CARMIL3: variants seen among roughly 807,000 people sequenced by gnomAD.
The protein encoded by CARMIL3 is capping protein, Arp2/3 and myosin-I linker protein 3.
A neutral mutation model predicts 180.8 loss-of-function variants in CARMIL3; 88 were observed. The ratio of observed to expected loss-of-function variants is 0.49; its 90% CI spans 0.41 to 0.58. CARMIL3 has a LOEUF of 0.58. Ranked by LOEUF, CARMIL3 falls within the 20% of genes least tolerant of loss-of-function variation. The pLI, the probability that CARMIL3 is intolerant of heterozygous loss-of-function variation, is 0.00. For missense variants in CARMIL3, 1,548 were observed against 1,787.0 expected (o/e 0.87, Z 2.41); for synonymous variants, 696 against 714.5 (o/e 0.97, Z 0.41).
chr14:24,063,370 TC>T lies in CARMIL3; in HGVS notation c.2822del (p.Pro941LeufsTer31), dbSNP rs773353274. 3.1e-6 allele frequency: 5 copies of T among 1,608,952 alleles called. No homozygotes were observed. The highest frequency in any genetic ancestry group is 2.7e-5 in the African/African-American group (2 of 74,708). The part of the protein sequence containing the change: ...DMESQLGNLG[I>X]PPGWFSGLGG... ...GAAAGCCAACTGGGGAATCTGGGGA[TC>T]CCCCCTGGCTGGTTCTCAGGACTTG... On this transcript the variant is annotated frameshift_variant, in exon 31 of 40. Coordinates refer to ENST00000342740, the MANE Select transcript of CARMIL3 (RefSeq NM_138360.4). LOFTEE classifies it high-confidence loss of function.
intron 34 of CARMIL3, 75 bp from the exon 35 acceptor site, chr14:24,066,323 G>A: frequency 6.5e-7 from 1 of 1,527,712 alleles, no homozygotes; most frequent in Non-Finnish European, 9.0e-7. Flanking sequence ...GGAGATGCTA[G>A]AGCAGAAGCC....
chr14:24,053,926 G>T (rs2035644415), intron 2 of CARMIL3, 123 bp downstream of exon 2: 3 of 1,141,056 alleles, frequency 2.6e-6, no homozygotes, highest in South Asian at 3.0e-5. Flanking sequence ...GACAAAACCT[G>T]GGGGGAGGAG....
chr14:24,063,561 T>A (rs1332509585), intron 31 of CARMIL3, 28 bp downstream of exon 31: 2 of 1,573,780 alleles, frequency 1.3e-6, no homozygotes, highest in Admixed American at 1.8e-5. Context: ...CACAAGAGGA[T>A]CCCCTTCACT....
intron 34 of CARMIL3, among the ~76,000 whole-genome samples, 185 bp from the exon 35 acceptor site, chr14:24,066,213 C>G (rs1175005061): frequency 6.6e-6 from 1 of 152,042 alleles, no homozygotes; most frequent in Non-Finnish European, 1.5e-5. Context: ...GAAGTATACT[C>G]ATTTGTGTAA....
At chr14:24,069,336 T>G (rs2035835766) in intron 39 of CARMIL3, 43 bp from the exon 40 acceptor site, 5 of 1,614,060 alleles carry the variant, frequency 3.1e-6, no homozygotes, top group South Asian at 1.1e-5. Context: ...TGGCTGGCTG[T>G]CCCTGCCCAG....
intron 36 of CARMIL3, among the ~76,000 whole-genome samples, chr14:24,067,783 C>G (rs1258364537): frequency 6.6e-6 from 1 of 152,290 alleles, no homozygotes; most frequent in Non-Finnish European, 1.5e-5. Context: ...GCAGACAACA[C>G]TTTCCAGTGT....
chr14:24,060,661 G>A lies in CARMIL3; in HGVS notation c.2095G>A (p.Glu699Lys). 12 of 1,614,002 alleles carry A rather than the reference G, an allele frequency of 7.4e-6. No individual in the cohort carries two copies. The highest frequency in any genetic ancestry group is 1.0e-5 in the Non-Finnish European group (12 of 1,179,958). The part of the protein sequence containing the change: ...LQRLCGRVQE[E>K]VRALRLCPLE... ...GCGGCTGTGTGGACGAGTGCAGGAG[G>A]AGGTGCGGGCCCTGAGACTATGCCC... The change falls in exon 25 of 40, where the codon GAG (glutamate) becomes AAG (lysine). Residue 699 changes from glutamate (E) to lysine (K), a missense_variant. Transcript: ENST00000342740.
In CARMIL3 at chr14:24,056,971, C is replaced by T; in HGVS notation, c.1009C>T (p.Arg337Ter). The T allele has an allele frequency of 1.9e-6, 3 of 1,614,064 alleles. No individual in the cohort carries two copies. The highest frequency in any genetic ancestry group is 2.5e-6 in the Non-Finnish European group (3 of 1,179,982). The change falls in exon 13 of 40, where the codon CGA (arginine) becomes TGA (stop). Residue 337 changes from arginine (R) to a stop codon, truncating the protein, a stop_gained. Transcript: ENST00000342740. LOFTEE classifies it high-confidence loss of function. ...AAACCCAGCATTTGCCAGCTCCCTT[C>T]GATACCTGGACCTGAGCAAGAATCC... The part of the protein sequence containing the change: ...GANPAFASSL[R>*]YLDLSKNPGL...
chr14:24,054,622 T>C lies in CARMIL3; in HGVS notation c.363-89T>C. On this transcript the variant is annotated intron_variant, in intron 5 of 39. Coordinates refer to ENST00000342740, the MANE Select transcript of CARMIL3 (RefSeq NM_138360.4). This position sits in a 1 kb window ranked among gnomAD's most constrained non-coding sequence, Gnocchi z 5.1. ...AGGAGAGCTCTCATGTCCCCACTCC[T>C]GGTTTTTCCTGGGATGCAGGAGCTA... is the stretch of plus-strand genomic sequence containing the variant. The C allele has an allele frequency of 1.3e-6, 2 of 1,503,054 alleles. No individual in the cohort carries two copies. The highest frequency in any genetic ancestry group is 1.2e-5 in the South Asian group (1 of 84,632). 93.1% of individuals were successfully genotyped at this position (1,503,054 alleles called of 1,614,324 possible).
chr14:24,067,081 C>T (rs1332043246), intron 36 of CARMIL3, among the ~76,000 whole-genome samples: 1 of 152,208 alleles, frequency 6.6e-6, no homozygotes, highest in Non-Finnish European at 1.5e-5. Context: ...CTCCAGAAGT[C>T]GTTTATCAAC....
In CARMIL3 at chr14:24,065,334, C is replaced by T. The variant is rs144042710; in HGVS notation, c.3396+61C>T. 7.2e-4 allele frequency: 1,004 copies of T among 1,387,458 alleles called. 22 individuals carry two copies. In the East Asian group the frequency reaches 0.022, roughly 30 times the overall value. 85.9% of individuals were successfully genotyped at this position (1,387,458 alleles called of 1,614,324 possible). A position where few individuals can be genotyped will look rare whatever the true frequency, so the allele number is the denominator to read the frequency against. On this transcript the variant is annotated intron_variant, in intron 33 of 39. Coordinates refer to ENST00000342740, the MANE Select transcript of CARMIL3 (RefSeq NM_138360.4). ...TCCTGCCCCACACTTAACCCAGTCT[C>T]CTACCCCACCCCAAGCTTAATGGGA...
In CARMIL3 at chr14:24,058,796, G is replaced by A; in HGVS notation, c.1474+35G>A. 6.2e-7 allele frequency: 1 copy of A among 1,613,124 alleles called. No homozygotes were observed. Among genetic ancestry groups the A allele is most frequent in the East Asian group, 2.2e-5 (1 of 44,870 alleles). The stretch of plus-strand genomic sequence containing the variant: ...GGTTCCTCCCTTCCCTGGGGCCAGG[G>A]GAGAACAGGGGCCTGGAGCATGCAG... On this transcript the variant is annotated intron_variant, in intron 18 of 39. Transcript: ENST00000342740. The surrounding 1 kb of genome is among the most constrained non-coding windows in gnomAD (Gnocchi z 6.4).
At chr14:24,057,052 C>A in intron 13 of CARMIL3, 28 bp downstream of exon 13, 1 of 1,606,538 alleles carries the variant, frequency 6.2e-7, no homozygotes. Context: ...CCTCAGCCCC[C>A]TGCAGAAAGC....
At chr14:24,055,448 G>C in intron 8 of CARMIL3, 95 bp from the exon 9 acceptor site, 1 of 1,514,304 alleles carries the variant, frequency 6.6e-7, no homozygotes, top group Non-Finnish European at 9.2e-7. Flanking sequence ...TACCCATTTA[G>C]GCCTTCCCCA....
In CARMIL3 at chr14:24,065,717, A is replaced by C; in HGVS notation, c.3492A>C (p.Arg1164Ser). 1 of 1,614,082 alleles carries C rather than the reference A, an allele frequency of 6.2e-7. No individual in the cohort carries two copies. Among genetic ancestry groups the C allele is most frequent in the South Asian group, 1.1e-5 (1 of 91,078 alleles). ...VHGVALPGLE[R>S]AKGWSFDGKR... ...GTGTTGCCCTTCCCGGGTTGGAAAG[A>C]GCCAAGGGTTGGAGCTTCGATGGGA... is the stretch of plus-strand genomic sequence containing the variant. The change falls in exon 34 of 40, where the codon AGA becomes AGC. Residue 1164 changes from arginine (R) to serine (S), a missense_variant. This residue lies in a region of CARMIL3 where 668 missense variants were observed against 687.8 expected (regional missense o/e 0.97). Transcript: ENST00000342740.
In CARMIL3 at chr14:24,056,986, A is replaced by C; in HGVS notation, c.1024A>C (p.Ser342Arg). Residue 342 changes from serine to arginine, a missense_variant, in exon 13 of 40, where the codon AGC becomes CGC. By Grantham distance (110) the Ser-to-Arg change is moderately radical (BLOSUM62 -1). Coordinates refer to ENST00000342740, the MANE Select transcript of CARMIL3 (RefSeq NM_138360.4). Reference protein sequence around the residue: ...FASSLRYLDLSKNPGLLATDE... With the variant: ...FASSLRYLDLRKNPGLLATDE... Reference sequence around the variant, plus strand: ...CAGCTCCCTTCGATACCTGGACCTGAGCAAGAATCCTGGGCTCCTCGCCAC... The same window carrying C: ...CAGCTCCCTTCGATACCTGGACCTGCGCAAGAATCCTGGGCTCCTCGCCAC... 6.2e-7 allele frequency: 1 copy of C among 1,614,000 alleles called. No individual in the cohort carries two copies. The highest frequency in any genetic ancestry group is 1.1e-5 in the South Asian group (1 of 91,042).
intron 1 of CARMIL3, among the ~76,000 whole-genome samples, chr14:24,053,333 C>G (rs2035638018): frequency 6.6e-6 from 1 of 152,094 alleles, no homozygotes; most frequent in African/African-American, 2.4e-5. Flanking sequence ...ACACCCCACA[C>G]CCCCACACAG....
intron 34 of CARMIL3, among the ~76,000 whole-genome samples, 191 bp from the exon 35 acceptor site, chr14:24,066,207 T>C (rs1303102585): frequency 2.0e-5 from 3 of 152,242 alleles, no homozygotes; most frequent in Admixed American, 6.5e-5. Context: ...AAGATGGAAG[T>C]ATACTCATTT....
chr14:24,064,352 A>C lies in CARMIL3; in HGVS notation c.3080+6A>C, dbSNP rs776161184. On this transcript the variant is annotated splice_donor_region_variant and intron_variant, in intron 32 of 39. Transcript: ENST00000342740. ...GTCCTGGAGGAAAGTTCTAGGTGTG[A>C]TGCCTAAACACACTCCCATTTTCAG... is the stretch of plus-strand genomic sequence containing the variant. 6.3e-7 allele frequency: 1 copy of C among 1,596,068 alleles called. No individual in the cohort carries two copies. The highest frequency in any genetic ancestry group is 8.6e-7 in the Non-Finnish European group (1 of 1,167,348).
Sources: allele counts gnomAD v4.1 joint callset (sites outside exome capture counted in the v4.1 genomes callset), GRCh38; gene constraint gnomAD v4.1.1; regional missense constraint gnomAD v4.1.1; non-coding constraint Gnocchi (gnomAD v3.1); transcripts MANE v1.5; gene names NCBI Gene and HGNC (gene_info 2026-07-23, HGNC 2026-07-21).